Variants in TAFA1 observed in about 807,000 individuals in gnomAD.
The protein encoded by TAFA1 is chemokine-like protein TAFA-1.
A neutral mutation model predicts 18.5 loss-of-function variants in TAFA1; 4 were observed. That is an observed-to-expected ratio of 0.22 (90% CI 0.11 to 0.49). TAFA1 has a LOEUF of 0.49. Among genes scored for constraint, TAFA1 ranks in the 20% least tolerant of loss-of-function variants. The pLI is 0.98. For synonymous variants in TAFA1, 56 were observed against 55.2 expected (o/e 1.01, Z -0.06); for missense variants, 147 against 169.0 (o/e 0.87, Z 0.72).
chr3:68,399,478 G>T (rs1190009848), intron 2 of TAFA1, among the ~76,000 whole-genome samples: 2 of 152,120 alleles, frequency 1.3e-5, no homozygotes, highest in Non-Finnish European at 2.9e-5. Flanking sequence ...ATGATGGTGA[G>T]TTATTTGGAC....
At chr3:68,264,098 A>C (rs1381717411) in intron 2 of TAFA1, among the ~76,000 whole-genome samples, 1 of 151,996 alleles carries the variant, frequency 6.6e-6, no homozygotes, top group Non-Finnish European at 1.5e-5. Context: ...GTGAAGCCCC[A>C]TCTCTACTAA....
At chr3:68,474,499 T>C (rs1295325593) in intron 3 of TAFA1, among the ~76,000 whole-genome samples, 1 of 152,200 alleles carries the variant, frequency 6.6e-6, no homozygotes, top group African/African-American at 2.4e-5. Context: ...GCTTTGGAAG[T>C]TGTCTGGTAG....
At chr3:68,479,241 A>AAATATATATATATAT (rs1353493315) in intron 3 of TAFA1, among the ~76,000 whole-genome samples, 2 of 123,668 alleles carry the variant, frequency 1.6e-5, no homozygotes, top group African/African-American at 3.6e-5. Flanking sequence ...AAAAAAAAAA[A>AAATATATATATATAT]ATATATATAT....
intron 3 of TAFA1, among the ~76,000 whole-genome samples, chr3:68,439,349 T>C (rs1415005786): frequency 6.8e-6 from 1 of 147,756 alleles, no homozygotes; most frequent in African/African-American, 2.5e-5. Context: ...AGTTTGGCCT[T>C]CTACAAAGCT....
intron 2 of TAFA1, among the ~76,000 whole-genome samples, chr3:68,365,361 G>A (rs1432298381): frequency 6.6e-6 from 1 of 152,198 alleles, no homozygotes; most frequent in African/African-American, 2.4e-5. Flanking sequence ...GGTACCCAGA[G>A]AAGTTGAAAC....
intron 2 of TAFA1, among the ~76,000 whole-genome samples, chr3:68,200,754 A>G (rs2066461281): frequency 6.6e-6 from 1 of 151,686 alleles, no homozygotes; most frequent in South Asian, 2.1e-4. Flanking sequence ...TTTTTTTAAA[A>G]TTAGCCTGGC....
chr3:68,372,651 T>G (rs2069734183), intron 2 of TAFA1, among the ~76,000 whole-genome samples: 2 of 152,186 alleles, frequency 1.3e-5, no homozygotes, highest in Non-Finnish European at 2.9e-5. Flanking sequence ...ATAGCCTTGT[T>G]TTCAGGAAGA....
chr3:68,223,615 T>C (rs1267828571), intron 2 of TAFA1, among the ~76,000 whole-genome samples: 2 of 152,056 alleles, frequency 1.3e-5, no homozygotes, highest in Non-Finnish European at 2.9e-5. Flanking sequence ...AGGCACAATA[T>C]GCAACTGTGG....
At chr3:68,019,643 T>C (rs1704644532) in intron 2 of TAFA1, among the ~76,000 whole-genome samples, 1 of 152,196 alleles carries the variant, frequency 6.6e-6, no homozygotes, top group African/African-American at 2.4e-5. Flanking sequence ...TGCTAAAATA[T>C]AGAATATGCT....
intron 2 of TAFA1, among the ~76,000 whole-genome samples, chr3:68,211,533 C>A (rs1212570749): frequency 6.6e-6 from 1 of 152,022 alleles, no homozygotes; most frequent in Non-Finnish European, 1.5e-5. Context: ...GAATGACAGC[C>A]CTCATGAAGC....
At chr3:68,481,184 T>A (rs970715539) in intron 3 of TAFA1, among the ~76,000 whole-genome samples, 1 of 152,222 alleles carries the variant, frequency 6.6e-6, no homozygotes, top group African/African-American at 2.4e-5. Flanking sequence ...CAATATCTCT[T>A]TTACTGCTGG....
At chr3:68,126,775 A>ACATT (rs2065469714) in intron 2 of TAFA1, among the ~76,000 whole-genome samples, 1 of 152,242 alleles carries the variant, frequency 6.6e-6, no homozygotes, top group African/African-American at 2.4e-5. Context: ...AATTGGCCAC[A>ACATT]CATTTTACTT....
intron 2 of TAFA1, among the ~76,000 whole-genome samples, chr3:68,143,910 G>A (rs1432438932): frequency 6.6e-6 from 1 of 151,864 alleles, no homozygotes; most frequent in Admixed American, 6.6e-5. Flanking sequence ...TGTCCCCGTG[G>A]ACCCTCATGA....
intron 2 of TAFA1, among the ~76,000 whole-genome samples, chr3:68,244,165 G>A (rs928222846): frequency 5.3e-5 from 8 of 152,064 alleles, no homozygotes; most frequent in South Asian, 2.1e-4. Context: ...GTGCAAGTCC[G>A]TTGTCACATA....
At chr3:68,388,405 A>G (rs1364793927) in intron 2 of TAFA1, among the ~76,000 whole-genome samples, 1 of 152,196 alleles carries the variant, frequency 6.6e-6, no homozygotes, top group Admixed American at 6.5e-5. Context: ...ATGTGCATTC[A>G]CTGTGAATTT....
At position 68,063,634 on chromosome 3, in the gene TAFA1, T is replaced by A. The variant is rs571898428; in HGVS notation, c.118+56890T>A. ...GTTGAAATGCAGATGGCTTGAAAAA[T>A]CACTTAGGGTTCTTACTACAGGTAT... is the stretch of plus-strand genomic sequence containing the variant. On this transcript the variant is annotated intron_variant, in intron 2 of 4. Transcript: ENST00000478136. 2.0e-5 allele frequency among the ~76,000 whole-genome samples: 3 copies of A among 152,230 alleles called. No homozygotes were observed. In the South Asian group the frequency reaches 6.2e-4, roughly 32 times the overall value.
chr3:68,151,394 G>A (rs2065804567), intron 2 of TAFA1, among the ~76,000 whole-genome samples: 1 of 152,152 alleles, frequency 6.6e-6, no homozygotes, highest in Non-Finnish European at 1.5e-5. Context: ...TTGTATACCA[G>A]AACATTTATT....
At chr3:68,404,604 C>T (rs934629262) in intron 2 of TAFA1, among the ~76,000 whole-genome samples, 1 of 152,036 alleles carries the variant, frequency 6.6e-6, no homozygotes, top group African/African-American at 2.4e-5. Flanking sequence ...TCAAGACAGC[C>T]TGGCCAACAT....
chr3:68,334,437 C>T (rs2068936358), intron 2 of TAFA1, among the ~76,000 whole-genome samples: 2 of 152,096 alleles, frequency 1.3e-5, no homozygotes, highest in South Asian at 4.1e-4. Flanking sequence ...AGTTTATGAA[C>T]AGTAGGGAAA....
Sources: allele counts gnomAD v4.1 joint callset (sites outside exome capture counted in the v4.1 genomes callset), GRCh38; gene constraint gnomAD v4.1.1; transcripts MANE v1.5; gene names NCBI Gene and HGNC (gene_info 2026-07-23, HGNC 2026-07-21).